THADA: variants seen among roughly 807,000 people sequenced by gnomAD.
THADA encodes THADA armadillo repeat containing.
Under a neutral mutation model 219.8 loss-of-function variants are expected in THADA, and 213 were observed. The ratio of observed to expected loss-of-function variants is 0.97; its 90% CI spans 0.87 to 1.09. The LOEUF (loss-of-function observed/expected upper bound fraction) is 1.09, where lower values mean the gene tolerates loss of function less well. Ranked by LOEUF, THADA falls within the 50% of genes least tolerant of loss-of-function variation. THADA has a pLI of 0.00. For synonymous variants in THADA, 1,018 were observed against 828.9 expected (o/e 1.23, Z -3.92); for missense variants, 2,956 against 2,311.3 (o/e 1.28, Z -5.72).
intron 22 of THADA, among the ~76,000 whole-genome samples, chr2:43,511,238 G>A (rs1011495086): frequency 5.9e-5 from 9 of 152,146 alleles, no homozygotes; most frequent in South Asian, 2.1e-4. Flanking sequence ...CGAACTGCAG[G>A]ACATGAGAGG....
At chr2:43,334,253 T>G (rs1573117094) in intron 30 of THADA, among the ~76,000 whole-genome samples, 1 of 149,690 alleles carries the variant, frequency 6.7e-6, no homozygotes, top group South Asian at 2.1e-4. Flanking sequence ...GTGACTGGAG[T>G]ATGGATGAGG....
intron 22 of THADA, among the ~76,000 whole-genome samples, chr2:43,527,132 C>T (rs748240208): frequency 1.4e-4 from 21 of 152,126 alleles, no homozygotes; most frequent in Non-Finnish European, 2.6e-4. Flanking sequence ...GATGTCTTAA[C>T]AGCCTAAAAT....
intron 36 of THADA, among the ~76,000 whole-genome samples, chr2:43,268,058 G>A (rs1012938602): frequency 1.4e-4 from 21 of 152,192 alleles, no homozygotes; most frequent in African/African-American, 4.6e-4. Flanking sequence ...AAGACAAGTT[G>A]CCGTCAAGGC....
chr2:43,495,849 G>A (rs1216606166), intron 25 of THADA, among the ~76,000 whole-genome samples: 1 of 152,174 alleles, frequency 6.6e-6, no homozygotes, highest in Non-Finnish European at 1.5e-5. Flanking sequence ...TCTACTGACA[G>A]TATAAAGGCA....
chr2:43,476,799 T>A (rs1016600587), intron 26 of THADA, among the ~76,000 whole-genome samples: 1 of 152,202 alleles, frequency 6.6e-6, no homozygotes, highest in African/African-American at 2.4e-5. Context: ...CCAACTGTAT[T>A]ATAGGCACTA....
intron 36 of THADA, among the ~76,000 whole-genome samples, chr2:43,248,395 A>G (rs1348074271): frequency 6.6e-6 from 1 of 151,626 alleles, no homozygotes; most frequent in Non-Finnish European, 1.5e-5. Flanking sequence ...ATGCCTGGCT[A>G]ATTTCTTTGT....
At chr2:43,304,765 G>A (rs1054916730) in intron 31 of THADA, among the ~76,000 whole-genome samples, 1 of 150,890 alleles carries the variant, frequency 6.6e-6, no homozygotes, top group African/African-American at 2.5e-5. Flanking sequence ...TCCGCCTTTC[G>A]GGTTCAAGTG....
intron 26 of THADA, among the ~76,000 whole-genome samples, chr2:43,475,047 T>A (rs1437915527): frequency 6.6e-6 from 1 of 152,198 alleles, no homozygotes; most frequent in Non-Finnish European, 1.5e-5. Flanking sequence ...ACAACTGACC[T>A]AAGTTGAGTT....
At chr2:43,460,029 A>C (rs903593612) in intron 26 of THADA, among the ~76,000 whole-genome samples, 1 of 152,122 alleles carries the variant, frequency 6.6e-6, no homozygotes, top group Non-Finnish European at 1.5e-5. Flanking sequence ...TTCAGACACA[A>C]GGATGTTGGC....
chr2:43,468,813 A>G (rs1012631556), intron 26 of THADA, among the ~76,000 whole-genome samples: 1 of 152,150 alleles, frequency 6.6e-6, no homozygotes, highest in Non-Finnish European at 1.5e-5. Context: ...TGGGATGACC[A>G]TTACCACATT....
At chr2:43,268,049 A>C (rs890466614) in intron 36 of THADA, among the ~76,000 whole-genome samples, 2 of 152,212 alleles carry the variant, frequency 1.3e-5, no homozygotes, top group African/African-American at 4.8e-5. Context: ...GAGAGGGAGA[A>C]GACAAGTTGC....
chr2:43,265,771 C>T (rs1671443611), intron 36 of THADA, among the ~76,000 whole-genome samples: 1 of 152,114 alleles, frequency 6.6e-6, no homozygotes. Context: ...CTGTCAGTTT[C>T]CATATATTTT....
chr2:43,420,321 G>A (rs1310184544), intron 28 of THADA, among the ~76,000 whole-genome samples: 2 of 152,168 alleles, frequency 1.3e-5, no homozygotes, highest in South Asian at 2.1e-4. Flanking sequence ...TAGCTAGACG[G>A]TAAGTTCTTT....
At position 43,575,019 on chromosome 2, in the gene THADA, T is replaced by A; in HGVS notation, c.1046A>T (p.Glu349Val). 2 of 1,599,094 alleles carry A rather than the reference T, an allele frequency of 1.3e-6. No individual in the cohort carries two copies. The highest frequency in any genetic ancestry group is 2.7e-5 in the African/African-American group (2 of 74,170). The change falls in exon 11 of 38, where the codon GAG (glutamate) becomes GTG (valine). Residue 349 changes from glutamate to valine, a missense_variant. Glu to Val is a moderately radical substitution (Grantham distance 121). Transcript: ENST00000405975. Reference protein sequence around the residue: ...VLFTLSSQIKEPTLEMFLSRI... With the variant: ...VLFTLSSQIKVPTLEMFLSRI... ...AGACAGAAACATTTCCAGCGTTGGC[T>A]CTTTAATCCTGAAGAAAAATGAGCC...
At chr2:43,571,903 A>G in intron 12 of THADA, 41 bp from the exon 13 acceptor site, 2 of 1,594,480 alleles carry the variant, frequency 1.3e-6, no homozygotes, top group Non-Finnish European at 1.7e-6. Context: ...TTTCCAAGAA[A>G]TAAGCAAAGC....
chr2:43,479,369 A>G (rs973252920), intron 26 of THADA, among the ~76,000 whole-genome samples: 4 of 152,106 alleles, frequency 2.6e-5, no homozygotes, highest in African/African-American at 9.7e-5. Context: ...CTGCACCTCA[A>G]TTTTCAGATC....
intron 25 of THADA, among the ~76,000 whole-genome samples, chr2:43,498,084 A>G (rs1688495484): frequency 6.6e-6 from 1 of 152,176 alleles, no homozygotes; most frequent in Non-Finnish European, 1.5e-5. Context: ...CCCACCCCAC[A>G]CAGTATGGAT....
chr2:43,435,420 T>G (rs116362024), intron 26 of THADA, among the ~76,000 whole-genome samples: 1 of 150,086 alleles, frequency 6.7e-6, no homozygotes, highest in South Asian at 2.1e-4. Flanking sequence ...GACTGCACCA[T>G]TGCATTCCAA....
At chr2:43,296,891 G>A (rs1013116425) in intron 31 of THADA, among the ~76,000 whole-genome samples, 2 of 150,336 alleles carry the variant, frequency 1.3e-5, no homozygotes, top group African/African-American at 4.9e-5. Context: ...CGCGGGGCCC[G>A]AGGGCAAGGA....
Sources: gnomAD v4.1 joint callset for allele counts (sites outside exome capture counted in the v4.1 genomes callset) on GRCh38, gnomAD v4.1.1 for gene constraint, MANE v1.5 for transcripts, NCBI Gene and HGNC (gene_info 2026-07-23, HGNC 2026-07-21) for gene names.